BMP6: variants seen among roughly 807,000 people sequenced by gnomAD.
BMP6 encodes the protein VG-1-R.
In BMP6, 17 loss-of-function variants were observed where a neutral mutation model predicts 54.1. That is an observed-to-expected ratio of 0.31 (90% CI 0.22 to 0.47). The LOEUF is 0.47. Ranked by LOEUF, BMP6 falls within the 20% of genes least tolerant of loss-of-function variation. BMP6 has a pLI of 1.00. For missense variants in BMP6, 720 were observed against 690.4 expected, an observed-to-expected ratio of 1.04 and a Z score of -0.48; for synonymous variants, 328 against 291.2, an observed-to-expected ratio of 1.13 and a Z score of -1.28.
intron 1 of BMP6, among the ~76,000 whole-genome samples, chr6:7,742,423 A>T (rs150005141): frequency 2.0e-5 from 3 of 152,306 alleles, no homozygotes; most frequent in African/African-American, 7.2e-5. Flanking sequence ...GTCAGCTTCC[A>T]CTTCAGGCTG....
At chr6:7,864,163 A>G (rs765924395) in intron 4 of BMP6, among the ~76,000 whole-genome samples, 19 of 152,012 alleles carry the variant, frequency 1.2e-4, no homozygotes, top group Admixed American at 3.3e-4. Context: ...GACACTTCTG[A>G]CTCTAATGCC....
chr6:7,795,918 G>GA (rs1051453371), intron 1 of BMP6, among the ~76,000 whole-genome samples: 3 of 152,110 alleles, frequency 2.0e-5, no homozygotes, highest in Non-Finnish European at 2.9e-5. Flanking sequence ...AGATTTGGGG[G>GA]AAAACATGAT....
chr6:7,754,853 G>A (rs978444385), intron 1 of BMP6, among the ~76,000 whole-genome samples: 7 of 152,204 alleles, frequency 4.6e-5, no homozygotes, highest in Non-Finnish European at 1.0e-4. Context: ...GAGTAGCTGG[G>A]ATTACAGGCA....
chr6:7,728,606 T>G (rs1283142435), intron 1 of BMP6, among the ~76,000 whole-genome samples: 1 of 152,202 alleles, frequency 6.6e-6, no homozygotes. Context: ...TGCACTGCTT[T>G]TCATTCATAA....
intron 1 of BMP6, among the ~76,000 whole-genome samples, chr6:7,776,997 G>A (rs1478798727): frequency 1.3e-5 from 2 of 152,208 alleles, no homozygotes; most frequent in African/African-American, 2.4e-5. Context: ...TGAAGATCAA[G>A]CACCTACATT....
intron 1 of BMP6, among the ~76,000 whole-genome samples, chr6:7,769,459 A>G (rs1407467548): frequency 6.6e-6 from 1 of 152,214 alleles, no homozygotes; most frequent in Non-Finnish European, 1.5e-5. Context: ...TGGCTTTTGC[A>G]TCAGATGCAT....
chr6:7,729,412 AG>A (rs1282471709), intron 1 of BMP6, among the ~76,000 whole-genome samples: 2 of 140,546 alleles, frequency 1.4e-5, no homozygotes, highest in East Asian at 4.3e-4. Context: ...GACAAAGGGG[AG>A]GAAGACTGGC....
At chr6:7,810,273 T>A (rs1758416983) in intron 1 of BMP6, among the ~76,000 whole-genome samples, 2 of 152,230 alleles carry the variant, frequency 1.3e-5, no homozygotes, top group South Asian at 4.1e-4. Flanking sequence ...CCTCAAAGTT[T>A]AAGAAAACAG....
At chr6:7,763,741 A>G (rs1757646357) in intron 1 of BMP6, among the ~76,000 whole-genome samples, 1 of 152,190 alleles carries the variant, frequency 6.6e-6, no homozygotes, top group South Asian at 2.1e-4. Context: ...CAGATGGTGA[A>G]TGCAGGTGCA....
At chr6:7,854,759 C>T (rs573865467) in intron 2 of BMP6, among the ~76,000 whole-genome samples, 7 of 152,206 alleles carry the variant, frequency 4.6e-5, no homozygotes, top group Non-Finnish European at 1.0e-4. Context: ...TGACGCACTC[C>T]AGCCTGGGTG....
intron 1 of BMP6, among the ~76,000 whole-genome samples, chr6:7,830,152 C>T (rs1463562790): frequency 1.3e-5 from 2 of 152,076 alleles, no homozygotes; most frequent in Non-Finnish European, 2.9e-5. Context: ...AGCACCCCCC[C>T]TCTCTCTCAT....
intron 1 of BMP6, among the ~76,000 whole-genome samples, chr6:7,789,510 TG>T (rs1323119170): frequency 2.0e-5 from 3 of 151,814 alleles, no homozygotes; most frequent in Non-Finnish European, 2.9e-5. Context: ...GGTAGAAAAA[TG>T]GAAAGAAGAA....
chr6:7,822,895 GGTTGTGTGT>G (rs1266382416), intron 1 of BMP6, among the ~76,000 whole-genome samples: 51 of 144,194 alleles, frequency 3.5e-4, no homozygotes, highest in African/African-American at 1.2e-3. Flanking sequence ...GATTGGTGCT[GGTTGTGTGT>G]GTGTGTGTGT....
intron 4 of BMP6, among the ~76,000 whole-genome samples, chr6:7,871,509 GT>G (rs1413062611): frequency 1.3e-5 from 2 of 152,210 alleles, no homozygotes; most frequent in Admixed American, 6.5e-5. Flanking sequence ...TCACTCAACA[GT>G]TTTTTGCCCA....
chr6:7,744,523 G>T (rs1757319110), intron 1 of BMP6, among the ~76,000 whole-genome samples: 1 of 152,052 alleles, frequency 6.6e-6, no homozygotes, highest in African/African-American at 2.4e-5. Flanking sequence ...AAATAATTCT[G>T]CTTGCCTGCC....
intron 1 of BMP6, among the ~76,000 whole-genome samples, chr6:7,739,282 A>C (rs758512532): frequency 5.9e-5 from 9 of 152,162 alleles, no homozygotes; most frequent in Non-Finnish European, 1.2e-4. Context: ...AAATTTGGGC[A>C]ATTTGGGTAG....
intron 1 of BMP6, among the ~76,000 whole-genome samples, chr6:7,744,849 T>A (rs1757323872): frequency 6.6e-6 from 1 of 152,182 alleles, no homozygotes; most frequent in Non-Finnish European, 1.5e-5. Flanking sequence ...GGTTTCCTGT[T>A]GGCATTCCTG....
intron 1 of BMP6, among the ~76,000 whole-genome samples, chr6:7,783,109 GGAGA>G (rs1227913232): frequency 1.3e-5 from 2 of 152,154 alleles, no homozygotes; most frequent in Non-Finnish European, 2.9e-5. Context: ...GTGAAGGAGA[GGAGA>G]GAGAAAGGGT....
intron 1 of BMP6, among the ~76,000 whole-genome samples, chr6:7,807,884 C>G (rs1268812151): frequency 1.0e-5 from 1 of 98,118 alleles, no homozygotes; most frequent in Non-Finnish European, 2.2e-5. Context: ...GATTGCAGTT[C>G]TTTTTGTATT....
Sources: allele counts gnomAD v4.1 joint callset (sites outside exome capture counted in the v4.1 genomes callset), GRCh38; gene constraint gnomAD v4.1.1; transcripts MANE v1.5; gene names NCBI Gene and HGNC (gene_info 2026-07-23, HGNC 2026-07-21).